Variants in RHOJ observed in about 807,000 individuals in gnomAD.
The protein encoded by RHOJ is ras homolog family member J, also known as rho-related GTP-binding protein RhoJ.
Under a neutral mutation model 23.4 loss-of-function variants are expected in RHOJ, and 11 were observed. That is an observed-to-expected ratio of 0.47 (90% confidence interval 0.30 to 0.78). The LOEUF (loss-of-function observed/expected upper bound fraction) is 0.78, where lower values mean the gene tolerates loss of function less well. Ranked by LOEUF, RHOJ falls within the 30% of genes least tolerant of loss-of-function variation. RHOJ has a pLI of 0.08. For missense variants in RHOJ, 254 were observed against 273.4 expected (o/e 0.93, Z 0.50); for synonymous variants, 102 against 102.7 (o/e 0.99, Z 0.04).
chr14:63,283,253 TGA>T, intron 4 of RHOJ, 37 bp downstream of exon 4: 1 of 1,525,216 alleles, frequency 6.6e-7, no homozygotes, highest in East Asian at 2.3e-5. Context: ...AAATGTATGC[TGA>T]GAGAAGAGTG....
At chr14:63,231,288 T>G (rs1462764100) in intron 1 of RHOJ, among the ~76,000 whole-genome samples, 1 of 152,256 alleles carries the variant, frequency 6.6e-6, no homozygotes, top group Non-Finnish European at 1.5e-5. Flanking sequence ...ATAAGCCCTT[T>G]ATAGTGGATG....
rs1237320748 is a variant in RHOJ, at chr14:63,269,104, C to T, written c.179-6C>T. 6.2e-7 allele frequency: 1 copy of T among 1,608,416 alleles called. No homozygotes were observed. Among genetic ancestry groups the T allele is most frequent in the East Asian group, 2.2e-5 (1 of 44,860 alleles). On this transcript the variant is annotated splice_region_variant and splice_polypyrimidine_tract_variant and intron_variant, in intron 1 of 4. Transcript: ENST00000316754. ...TCCTCTTCTTTTCTTTTCTCTTCTCCCCTAGTTACTGTGACTGTGGGAGGC... is the reference window on the plus strand; with the variant it reads ...TCCTCTTCTTTTCTTTTCTCTTCTCTCCTAGTTACTGTGACTGTGGGAGGC...
chr14:63,263,025 A>G (rs542453553), intron 1 of RHOJ, among the ~76,000 whole-genome samples: 2 of 152,352 alleles, frequency 1.3e-5, no homozygotes, highest in Non-Finnish European at 2.9e-5. Flanking sequence ...GAGGAAAAAT[A>G]ACAGTCGTTT....
rs576673212 is a variant in RHOJ at position 63,291,354 on chromosome 14, G to A, written c.*330G>A. The A allele has an allele frequency of 1.4e-5, 5 of 350,878 alleles. No individual in the cohort carries two copies. Among genetic ancestry groups the A allele is most frequent in the South Asian group, 1.3e-4 (5 of 39,424 alleles). The allele number at this position is 350,878 out of a possible 1,614,324, so 21.7% of individuals were successfully genotyped here. A position where few individuals can be genotyped will look rare whatever the true frequency, so the allele number is the denominator to read the frequency against. ...CAGCTCATGAACGTGAAGCTGATAG[G>A]AAATCACCCCAGGGAACCCGAAAAA... On this transcript the variant is annotated 3_prime_UTR_variant, in exon 5 of 5. Transcript: ENST00000316754.
chr14:63,216,720 T>G (rs996007664), intron 1 of RHOJ, among the ~76,000 whole-genome samples: 3 of 152,192 alleles, frequency 2.0e-5, no homozygotes, highest in African/African-American at 4.8e-5. Flanking sequence ...AAACACACTT[T>G]TAACCAAACT....
rs534899507 is a variant in RHOJ, at chr14:63,248,282, A to G, written c.179-20828A>G. 6.6e-5 allele frequency among the ~76,000 whole-genome samples: 10 copies of G among 152,358 alleles called. No homozygotes were observed. The South Asian group carries it at 8.3e-4, about 13-fold the overall frequency. ...AATTTATGTCAAGGCAAATGCAACT[A>G]AAAGAAGTGGAACATTTGTAGAGCT... is the stretch of plus-strand genomic sequence containing the variant. On this transcript the variant is annotated intron_variant, in intron 1 of 4. Coordinates refer to ENST00000316754, the MANE Select transcript of RHOJ (RefSeq NM_020663.5).
Position 63,230,776 on chromosome 14 carries a change from A to C in RHOJ, c.178+25729A>C, listed in dbSNP as rs943312670. ...AAAGGGTGCCATATCTCTGGCATTT[A>C]GAAGAATTCCTGCACTCAATAAATA... On this transcript the variant is annotated intron_variant, in intron 1 of 4. Coordinates refer to ENST00000316754, the MANE Select transcript of RHOJ (RefSeq NM_020663.5). Among the ~76,000 whole-genome samples, 9 of 151,148 alleles carry C rather than the reference A, an allele frequency of 6.0e-5. No homozygotes were observed. The East Asian group carries it at 1.8e-3, about 30-fold the overall frequency.
chr14:63,260,428 A>G (rs1022806566), intron 1 of RHOJ, among the ~76,000 whole-genome samples: 4 of 152,316 alleles, frequency 2.6e-5, no homozygotes, highest in Admixed American at 1.3e-4. Flanking sequence ...TCTGAGAGTC[A>G]ATCTAGGAGA....
chr14:63,291,094 AGCCAAAAAGGAGG>A lies in RHOJ; in HGVS notation c.*73_*85del. 1.3e-6 allele frequency: 2 copies of A among 1,578,068 alleles called. No homozygotes were observed. The highest frequency in any genetic ancestry group is 1.7e-6 in the Non-Finnish European group (2 of 1,152,174). ...CAGCCAATCTCTGTGGCCAAGCTCC[AGCCAAAAAGGAGG>A]GCACGACCAGAAAGGAACTCCCTTT... On this transcript the variant is annotated 3_prime_UTR_variant, in exon 5 of 5. Transcript: ENST00000316754.
intron 1 of RHOJ, among the ~76,000 whole-genome samples, chr14:63,252,415 G>A (rs996037632): frequency 6.6e-6 from 1 of 152,148 alleles, no homozygotes; most frequent in Non-Finnish European, 1.5e-5. Context: ...TCCAAGAACT[G>A]TCTACTGATT....
At chr14:63,225,243 G>A (rs1176693527) in intron 1 of RHOJ, among the ~76,000 whole-genome samples, 1 of 152,184 alleles carries the variant, frequency 6.6e-6, no homozygotes, top group African/African-American at 2.4e-5. Flanking sequence ...AAGCCACCAT[G>A]CCCGGCCTCA....
intron 1 of RHOJ, among the ~76,000 whole-genome samples, chr14:63,217,085 C>T (rs1440014321): frequency 6.7e-6 from 1 of 148,752 alleles, no homozygotes; most frequent in Admixed American, 6.7e-5. Context: ...TTCTTTTTTT[C>T]TTTTTTTTTT....
intron 3 of RHOJ, among the ~76,000 whole-genome samples, chr14:63,281,377 T>G (rs1881895455): frequency 6.6e-6 from 1 of 152,210 alleles, no homozygotes; most frequent in Non-Finnish European, 1.5e-5. Context: ...TCTATGATTT[T>G]TTTTAAATAA....
intron 1 of RHOJ, among the ~76,000 whole-genome samples, chr14:63,243,471 C>G (rs1030005230): frequency 2.6e-5 from 4 of 152,166 alleles, no homozygotes; most frequent in African/African-American, 9.7e-5. Context: ...TCCCGAGTAG[C>G]TGGGATTACA....
chr14:63,244,291 G>A (rs929037680), intron 1 of RHOJ, among the ~76,000 whole-genome samples: 8 of 152,106 alleles, frequency 5.3e-5, no homozygotes, highest in African/African-American at 1.9e-4. Flanking sequence ...TTCTGGCCGG[G>A]TGTGGTGGCT....
chr14:63,267,330 T>C (rs552210323), intron 1 of RHOJ, among the ~76,000 whole-genome samples: 1 of 152,280 alleles, frequency 6.6e-6, no homozygotes, highest in South Asian at 2.1e-4. Flanking sequence ...AGGGCTCCCA[T>C]AACATAGGTC....
chr14:63,222,178 T>C (rs1484940530), intron 1 of RHOJ, among the ~76,000 whole-genome samples: 6 of 152,090 alleles, frequency 3.9e-5, no homozygotes, highest in Admixed American at 3.9e-4. Context: ...GGCTGCATAG[T>C]ATTCCATGGT....
At chr14:63,251,259 A>C (rs920429039) in intron 1 of RHOJ, among the ~76,000 whole-genome samples, 1 of 152,168 alleles carries the variant, frequency 6.6e-6, no homozygotes, top group Non-Finnish European at 1.5e-5. Context: ...CCTGGTCCAT[A>C]GTAGATTCTC....
intron 1 of RHOJ, among the ~76,000 whole-genome samples, chr14:63,253,828 A>G (rs1895115483): frequency 6.6e-6 from 1 of 152,246 alleles, no homozygotes; most frequent in Non-Finnish European, 1.5e-5. Context: ...AAACACACAC[A>G]CACTGCTTGA....
Sources: allele counts gnomAD v4.1 joint callset (sites outside exome capture counted in the v4.1 genomes callset), GRCh38; gene constraint gnomAD v4.1.1; transcripts MANE v1.5; gene names NCBI Gene and HGNC (gene_info 2026-07-23, HGNC 2026-07-21).